Variants in LIFR observed in about 807,000 individuals in gnomAD.
LIFR encodes LIF receptor subunit alpha.
LIFR carries 84 observed loss-of-function variants against 122.2 expected under a neutral mutation model. The ratio of observed to expected loss-of-function variants is 0.69; its 90% CI spans 0.58 to 0.82. The LOEUF (loss-of-function observed/expected upper bound fraction) is 0.82, where lower values mean the gene tolerates loss of function less well. Among genes scored for constraint, LIFR ranks in the 40% least tolerant of loss-of-function variants. The pLI, the probability that LIFR is intolerant of heterozygous loss-of-function variation, is 0.00. For missense variants in LIFR, 1,294 were observed against 1,311.6 expected (o/e 0.99, Z 0.21); for synonymous variants, 422 against 434.7 (o/e 0.97, Z 0.36).
intron 1 of LIFR, among the ~76,000 whole-genome samples, chr5:38,549,981 G>A (rs914776100): frequency 4.6e-5 from 7 of 152,106 alleles, no homozygotes; most frequent in Non-Finnish European, 7.3e-5. Flanking sequence ...GAAAGGTATC[G>A]ACAGGAGTAT....
chr5:38,524,119 T>C (rs556795329), intron 4 of LIFR, among the ~76,000 whole-genome samples: 9 of 152,290 alleles, frequency 5.9e-5, no homozygotes, highest in African/African-American at 1.7e-4. Context: ...TAACAAAATA[T>C]AGAAAGCTTC....
intron 7 of LIFR, among the ~76,000 whole-genome samples, chr5:38,509,153 G>C (rs1387133043): frequency 1.3e-5 from 2 of 152,050 alleles, no homozygotes; most frequent in African/African-American, 4.8e-5. Flanking sequence ...AACACAAATG[G>C]AAACAGTGCA....
intron 1 of LIFR, among the ~76,000 whole-genome samples, chr5:38,562,115 C>T (rs1191899758): frequency 6.6e-6 from 1 of 152,174 alleles, no homozygotes; most frequent in Non-Finnish European, 1.5e-5. Flanking sequence ...CCCTCTCTTT[C>T]CCGAGTGAAC....
At position 38,549,038 on chromosome 5, in the gene LIFR, C is replaced by T. The variant is rs1314258416; in HGVS notation, c.-20+7296G>A. On this transcript the variant is annotated intron_variant, in intron 1 of 19. Transcript: ENST00000453190. ...TCCCCATTTCACAGATAAGGAAATA[C>T]AAAACTTGCCCAAGTTCACACAACC... is the stretch of plus-strand genomic sequence containing the variant. Among the ~76,000 whole-genome samples, 4 of 152,106 alleles carry T rather than the reference C, an allele frequency of 2.6e-5. No individual in the cohort carries two copies. In the East Asian group the frequency reaches 5.8e-4, roughly 22 times the overall value.
At chr5:38,482,517 A>G in intron 19 of LIFR, 72 bp downstream of exon 19, 1 of 846,020 alleles carries the variant, frequency 1.2e-6, no homozygotes, top group South Asian at 1.7e-5. Context: ...TTTGCATGTT[A>G]AAAACTTTTC....
intron 1 of LIFR, among the ~76,000 whole-genome samples, chr5:38,540,792 C>T (rs1395535907): frequency 6.6e-6 from 1 of 151,152 alleles, no homozygotes; most frequent in African/African-American, 2.4e-5. Flanking sequence ...AAAAAAAACA[C>T]TATGTGGGCC....
At chr5:38,553,622 C>CTATATATATATA (rs66547796) in intron 1 of LIFR, among the ~76,000 whole-genome samples, 21 of 41,626 alleles carry the variant, frequency 5.0e-4, no homozygotes, top group South Asian at 2.2e-3. Context: ...ACCATTTAAA[C>CTATATATATATA]TATATATATA....
In LIFR at chr5:38,493,673, CCGAGA is replaced by C; in HGVS notation, c.1993_1997del (p.Ser665ValfsTer17). On this transcript the variant is annotated frameshift_variant, in exon 14 of 20. Coordinates refer to ENST00000453190, the MANE Select transcript of LIFR (RefSeq NM_001127671.2). LOFTEE classifies it high-confidence loss of function. ...TCCAGTCCATAAGGCATGGTTCCGACCGAGACGAGTTACACCACTTAATGACGTAG... is the reference window on the plus strand; with the variant it reads ...TCCAGTCCATAAGGCATGGTTCCGACCGAGTTACACCACTTAATGACGTAG... The C allele has an allele frequency of 6.2e-7, 1 of 1,614,184 alleles. No individual in the cohort carries two copies. Among genetic ancestry groups the C allele is most frequent in the Non-Finnish European group, 8.5e-7 (1 of 1,180,026 alleles).
At chr5:38,562,118 G>A (rs975717011) in intron 1 of LIFR, among the ~76,000 whole-genome samples, 7 of 152,226 alleles carry the variant, frequency 4.6e-5, no homozygotes, top group Admixed American at 2.0e-4. Context: ...TCTCTTTCCC[G>A]AGTGAACTCT....
At chr5:38,578,207 C>CTTTTTTTTTTTTTTTTT (rs3079294) in intron 1 of LIFR, among the ~76,000 whole-genome samples, 1 of 123,456 alleles carries the variant, frequency 8.1e-6, no homozygotes, top group Non-Finnish European at 1.6e-5. Context: ...TTTTCTTTTT[C>CTTTTTTTTTTTTTTTTT]TTTTTTTTTT....
intron 5 of LIFR, among the ~76,000 whole-genome samples, chr5:38,513,970 C>A (rs1745942090): frequency 6.6e-6 from 1 of 151,936 alleles, no homozygotes; most frequent in Admixed American, 6.6e-5. Context: ...TAAATCATTA[C>A]TATCCTCAGA....
intron 10 of LIFR, 64 bp from the exon 11 acceptor site, chr5:38,502,863 A>T: frequency 2.7e-5 from 22 of 818,734 alleles, no homozygotes; most frequent in Non-Finnish European, 3.9e-5. Flanking sequence ...ATATATATAT[A>T]CATACACATA....
chr5:38,501,659 T>C (rs1336827906), intron 11 of LIFR, among the ~76,000 whole-genome samples: 1 of 152,074 alleles, frequency 6.6e-6, no homozygotes, highest in Non-Finnish European at 1.5e-5. Context: ...GAGAATCACT[T>C]GAACCCGGGA....
At chr5:38,584,800 A>G (rs1048573799) in intron 1 of LIFR, among the ~76,000 whole-genome samples, 4 of 152,218 alleles carry the variant, frequency 2.6e-5, no homozygotes, top group African/African-American at 7.2e-5. Context: ...AATGGGGACT[A>G]TAGGTAGTAA....
At chr5:38,520,512 A>G (rs867523800) in intron 5 of LIFR, among the ~76,000 whole-genome samples, 4 of 152,174 alleles carry the variant, frequency 2.6e-5, no homozygotes, top group Non-Finnish European at 4.4e-5. Context: ...TTTTAGCCAT[A>G]AAATCTTTAC....
intron 9 of LIFR, among the ~76,000 whole-genome samples, chr5:38,504,993 C>A (rs1212749793): frequency 6.6e-6 from 1 of 152,040 alleles, no homozygotes; most frequent in Non-Finnish European, 1.5e-5. Context: ...GTGCTGTGAG[C>A]CTGACATGGA....
chr5:38,540,399 C>T (rs1747527846), intron 1 of LIFR, among the ~76,000 whole-genome samples: 1 of 152,242 alleles, frequency 6.6e-6, no homozygotes, highest in African/African-American at 2.4e-5. Context: ...AGCACTTCCA[C>T]TAATCACATT....
At chr5:38,598,630 G>A (rs1025272852), upstream of LIFR, among the ~76,000 whole-genome samples, 4 of 151,790 alleles carry the variant, frequency 2.6e-5, no homozygotes, top group South Asian at 2.1e-4. Flanking sequence ...TGCATCACCC[G>A]CTCCTGCCCC....
At chr5:38,508,238 T>C (rs1036728369) in intron 7 of LIFR, among the ~76,000 whole-genome samples, 1 of 152,180 alleles carries the variant, frequency 6.6e-6, no homozygotes, top group Non-Finnish European at 1.5e-5. Flanking sequence ...AAGCTAGGTA[T>C]ACATCAACTA....
Sources: gnomAD v4.1 joint callset for allele counts (sites outside exome capture counted in the v4.1 genomes callset) on GRCh38, gnomAD v4.1.1 for gene constraint, MANE v1.5 for transcripts, NCBI Gene and HGNC (gene_info 2026-07-23, HGNC 2026-07-21) for gene names.